Variants in PTPRN2 observed in about 807,000 individuals in gnomAD.
PTPRN2 encodes the protein receptor-type tyrosine-protein phosphatase N2.
In PTPRN2, 74 loss-of-function variants were observed where a neutral mutation model predicts 118.8. The ratio of observed to expected loss-of-function variants is 0.62; its 90% CI spans 0.52 to 0.76. PTPRN2 has a LOEUF of 0.76. PTPRN2 is among the 30% of genes least tolerant of loss of function. PTPRN2 has a pLI of 0.00. For synonymous variants in PTPRN2, 641 were observed against 608.0 expected (o/e 1.05, Z -0.80); for missense variants, 1,481 against 1,394.4 (o/e 1.06, Z -0.99).
intron 12 of PTPRN2, among the ~76,000 whole-genome samples, chr7:157,698,024 C>G (rs190482992): frequency 1.2e-4 from 18 of 152,352 alleles, no homozygotes; most frequent in Admixed American, 3.3e-4. Context: ...CCCTCACCAT[C>G]TACCCATGCA....
intron 3 of PTPRN2, among the ~76,000 whole-genome samples, chr7:158,209,349 G>A (rs540051677): frequency 6.6e-6 from 1 of 152,194 alleles, no homozygotes; most frequent in South Asian, 2.1e-4. Flanking sequence ...AAAAGAAAGG[G>A]ATGGAAAAAG....
chr7:158,231,654 C>G (rs1181384294), intron 3 of PTPRN2, among the ~76,000 whole-genome samples: 1 of 152,198 alleles, frequency 6.6e-6, no homozygotes, highest in Non-Finnish European at 1.5e-5. Flanking sequence ...TTTCACCCGA[C>G]TGCTACAGAA....
chr7:158,149,074 C>A (rs1350053319), intron 6 of PTPRN2, among the ~76,000 whole-genome samples: 233 of 117,448 alleles, frequency 2.0e-3, no homozygotes, highest in Middle Eastern at 4.2e-3. Flanking sequence ...ACGTGTCATT[C>A]CCCCTCACTG....
intron 1 of PTPRN2, among the ~76,000 whole-genome samples, chr7:158,501,696 G>A (rs912254096): frequency 1.3e-5 from 2 of 152,150 alleles, no homozygotes; most frequent in Non-Finnish European, 1.5e-5. Context: ...CTGTCACAGC[G>A]GCCTTTTCTG....
intron 3 of PTPRN2, among the ~76,000 whole-genome samples, chr7:158,206,941 A>G (rs1463673548): frequency 7.4e-6 from 1 of 134,704 alleles, no homozygotes; most frequent in Non-Finnish European, 1.6e-5. Context: ...TATATCTCCC[A>G]ATGCTATCCC....
chr7:157,994,593 A>AGC (rs1804539178), intron 11 of PTPRN2, among the ~76,000 whole-genome samples: 5 of 127,958 alleles, frequency 3.9e-5, no homozygotes, highest in African/African-American at 1.5e-4. Flanking sequence ...TTCCTAAATC[A>AGC]ATGCCGCGTC....
chr7:157,767,645 G>T (rs1411838049), intron 12 of PTPRN2, among the ~76,000 whole-genome samples: 1 of 152,214 alleles, frequency 6.6e-6, no homozygotes, highest in Non-Finnish European at 1.5e-5. Flanking sequence ...TCTGCCTTCC[G>T]TGGTCACAGG....
chr7:158,336,394 A>C (rs1257715315), intron 2 of PTPRN2, among the ~76,000 whole-genome samples: 3 of 140,342 alleles, frequency 2.1e-5, no homozygotes, highest in African/African-American at 7.9e-5. Flanking sequence ...GACGTCACTC[A>C]CACCCACACT....
intron 12 of PTPRN2, among the ~76,000 whole-genome samples, chr7:157,809,125 G>T (rs762241610): frequency 7.2e-5 from 11 of 152,260 alleles, no homozygotes; most frequent in Non-Finnish European, 1.2e-4. Context: ...TGTGGGTACT[G>T]TTGCTTAGGA....
intron 22 of PTPRN2, 78 bp from the exon 23 acceptor site, chr7:157,540,863 G>A: frequency 8.4e-7 from 1 of 1,194,928 alleles, no homozygotes; most frequent in Non-Finnish European, 1.2e-6. Context: ...GCTCCCTGCA[G>A]ATGAAAGCGG....
chr7:158,587,562 A>G lies in PTPRN2; in HGVS notation c.108T>C (p.Arg36=), dbSNP rs1829047840. ...CCCCCGGCGCCCCCCACTCACCCAG[A>G]CGCCCCGGGAGCTGCCGGCCGCGGG... ...SVPRGRQLPG[R]LGCLLEEGLC... is the part of the protein sequence containing the mutation. Residue 36 remains arginine, a synonymous_variant, in exon 1 of 23, where the codon CGT becomes CGC. Transcript: ENST00000389418. 2.3e-6 allele frequency: 3 copies of G among 1,315,676 alleles called. No individual in the cohort carries two copies. Among genetic ancestry groups the G allele is most frequent in the South Asian group, 4.0e-5 (2 of 49,410 alleles). 81.5% of individuals were successfully genotyped at this position (1,315,676 alleles called of 1,614,324 possible). A position where few individuals can be genotyped will look rare whatever the true frequency, so the allele number is the denominator to read the frequency against.
At chr7:158,245,300 G>A (rs1033770391) in intron 3 of PTPRN2, among the ~76,000 whole-genome samples, 6 of 151,820 alleles carry the variant, frequency 4.0e-5, no homozygotes, top group African/African-American at 1.5e-4. Context: ...CAGAATCCGT[G>A]GTCATGCCAG....
At chr7:157,805,504 G>A (rs115138920) in intron 12 of PTPRN2, among the ~76,000 whole-genome samples, 2,884 of 152,218 alleles carry the variant, frequency 0.019, 81 homozygotes, top group South Asian at 0.12. Context: ...TAAAACATGC[G>A]AAGAATTTAA....
intron 12 of PTPRN2, among the ~76,000 whole-genome samples, chr7:157,751,959 C>T (rs1314600127): frequency 6.6e-6 from 1 of 152,096 alleles, no homozygotes; most frequent in Non-Finnish European, 1.5e-5. Flanking sequence ...CCAAGTGGGA[C>T]TTGCAGTTGC....
At chr7:158,246,831 G>A (rs1337363837) in intron 3 of PTPRN2, among the ~76,000 whole-genome samples, 1 of 152,052 alleles carries the variant, frequency 6.6e-6, no homozygotes, top group East Asian at 1.9e-4. Flanking sequence ...GGAATCCACT[G>A]ATGGTGCACG....
intron 3 of PTPRN2, among the ~76,000 whole-genome samples, chr7:158,281,275 C>G (rs1309483760): frequency 6.6e-6 from 1 of 152,154 alleles, no homozygotes; most frequent in Non-Finnish European, 1.5e-5. Context: ...GGTGACAGAG[C>G]AAGACTCCGT....
At chr7:157,849,376 G>C (rs1243829044) in intron 12 of PTPRN2, among the ~76,000 whole-genome samples, 2 of 152,142 alleles carry the variant, frequency 1.3e-5, no homozygotes, top group Non-Finnish European at 2.9e-5. Flanking sequence ...GGCTCATGTG[G>C]GTGTGCGTCC....
At chr7:158,164,378 G>A (rs1822708376) in intron 6 of PTPRN2, among the ~76,000 whole-genome samples, 1 of 39,092 alleles carries the variant, frequency 2.6e-5, no homozygotes, top group South Asian at 6.7e-4. Flanking sequence ...GCAGGAGGGT[G>A]CGTAGGAAGG....
At chr7:158,168,966 T>A (rs1354986144) in intron 5 of PTPRN2, among the ~76,000 whole-genome samples, 1 of 152,214 alleles carries the variant, frequency 6.6e-6, no homozygotes, top group Non-Finnish European at 1.5e-5. Context: ...CTGAGCTCCC[T>A]GGAGGCGTGC....
Sources: allele counts gnomAD v4.1 joint callset (sites outside exome capture counted in the v4.1 genomes callset), GRCh38; gene constraint gnomAD v4.1.1; transcripts MANE v1.5; gene names NCBI Gene and HGNC (gene_info 2026-07-23, HGNC 2026-07-21).